The following PPIG variants were observed in gnomAD, a reference collection of about 807,000 sequenced individuals.
PPIG encodes peptidylprolyl isomerase G.
Under a neutral mutation model 87.9 loss-of-function variants are expected in PPIG, and 26 were observed. The ratio of observed to expected loss-of-function variants is 0.30; its 90% CI spans 0.22 to 0.41. PPIG has a LOEUF of 0.41. Among genes scored for constraint, PPIG ranks in the 10% least tolerant of loss-of-function variants. The probability of loss-of-function intolerance (pLI) is 1.00; values close to 1 mark genes in which losing one functional copy is unlikely to be tolerated. For synonymous variants in PPIG, 308 were observed against 276.5 expected, an observed-to-expected ratio of 1.11 and a Z score of -1.13; for missense variants, 722 against 879.4, an observed-to-expected ratio of 0.82 and a Z score of 2.26.
chr2:169,630,072 C>T (rs1685995806), intron 9 of PPIG, among the ~76,000 whole-genome samples: 2 of 151,670 alleles, frequency 1.3e-5, no homozygotes, highest in East Asian at 1.9e-4. Context: ...GTAGTATCTT[C>T]TTCTAATTCT....
intron 4 of PPIG, among the ~76,000 whole-genome samples, chr2:169,605,047 T>C (rs114153414): frequency 0.016 from 2,401 of 150,488 alleles, 65 homozygotes; most frequent in African/African-American, 0.056. Flanking sequence ...AAAATGCAAA[T>C]AATCGGCCAG....
intron 9 of PPIG, among the ~76,000 whole-genome samples, chr2:169,621,619 A>G (rs16857076): frequency 0.034 from 5,194 of 152,210 alleles, 321 homozygotes; most frequent in African/African-American, 0.12. Context: ...CCCTGAACCT[A>G]CTGATGTTTA....
At chr2:169,635,233 A>G (rs963237359) in intron 12 of PPIG, among the ~76,000 whole-genome samples, 5 of 152,116 alleles carry the variant, frequency 3.3e-5, no homozygotes, top group African/African-American at 7.2e-5. Context: ...CTCCTTTACC[A>G]TTGATCTTAG....
At chr2:169,622,910 A>G (rs1196659429) in intron 9 of PPIG, among the ~76,000 whole-genome samples, 3 of 152,136 alleles carry the variant, frequency 2.0e-5, no homozygotes, top group Non-Finnish European at 4.4e-5. Flanking sequence ...TATATTTAAA[A>G]CCTTGTATGA....
intron 1 of PPIG, among the ~76,000 whole-genome samples, chr2:169,592,240 G>GA (rs1456018330): frequency 5.6e-5 from 8 of 143,508 alleles, no homozygotes; most frequent in East Asian, 2.1e-4. Flanking sequence ...ACTTTTACTT[G>GA]AAAAAAAATG....
intron 7 of PPIG, among the ~76,000 whole-genome samples, chr2:169,610,965 G>A (rs1685471447): frequency 6.6e-6 from 1 of 152,178 alleles, no homozygotes; most frequent in South Asian, 2.1e-4. Context: ...CAACACTTTG[G>A]GAAGCCGAGG....
At chr2:169,632,959 G>A (rs531724898) in intron 11 of PPIG, among the ~76,000 whole-genome samples, 2 of 150,568 alleles carry the variant, frequency 1.3e-5, no homozygotes, top group African/African-American at 4.9e-5. Flanking sequence ...TGTATTTTTA[G>A]TAGAGACTGG....
chr2:169,626,393 TTTTA>T (rs1379677319), intron 9 of PPIG, among the ~76,000 whole-genome samples: 2 of 152,124 alleles, frequency 1.3e-5, no homozygotes, highest in African/African-American at 4.8e-5. Context: ...GAGAGGAACT[TTTTA>T]TTTTTTATTT....
chr2:169,602,084 A>G (rs895968248), intron 1 of PPIG, among the ~76,000 whole-genome samples: 1 of 152,178 alleles, frequency 6.6e-6, no homozygotes, highest in Non-Finnish European at 1.5e-5. Flanking sequence ...TCATGCACAA[A>G]ATTATTTTTT....
At position 169,641,242 on chromosome 2, in the gene PPIG, G is replaced by A. The variant is rs1335460868; in HGVS notation, c.*3719G>A. On this transcript the variant is annotated 3_prime_UTR_variant, in exon 14 of 14. Transcript: ENST00000260970. ...TTTAATGAAGTTTAGAAAAAAAGCT[G>A]TTGTCTTCTCAATTGTAAAATTAGT... 1 of 152,064 alleles carries A rather than the reference G, an allele frequency of 6.6e-6. No homozygotes were observed. Among genetic ancestry groups the A allele is most frequent in the Non-Finnish European group, 1.5e-5 (1 of 68,004 alleles). The allele number at this position is 152,064 out of a possible 1,614,324, so 9.4% of individuals were successfully genotyped here.
In PPIG at chr2:169,640,315, T is replaced by C. The variant is rs1686280934; in HGVS notation, c.*2792T>C. 1.3e-5 allele frequency: 2 copies of C among 152,212 alleles called. No individual in the cohort carries two copies. Among genetic ancestry groups the C allele is most frequent in the Admixed American group, 1.3e-4 (2 of 15,282 alleles). The allele number at this position is 152,212 out of a possible 1,614,324, so 9.4% of individuals were successfully genotyped here. On this transcript the variant is annotated 3_prime_UTR_variant, in exon 14 of 14. Coordinates refer to ENST00000260970, the MANE Select transcript of PPIG (RefSeq NM_004792.3). ...TGATATTTGTGCCTAGTGGAAGGTA[T>C]GGAGCTAAACAATTAAAGAACTCTT...
chr2:169,640,853 G>T lies in PPIG; in HGVS notation c.*3330G>T, dbSNP rs1018164476. 6.6e-6 allele frequency: 1 copy of T among 152,094 alleles called. No homozygotes were observed. The highest frequency in any genetic ancestry group is 1.5e-5 in the Non-Finnish European group (1 of 68,026). 9.4% of individuals were successfully genotyped at this position (152,094 alleles called of 1,614,324 possible). A position where few individuals can be genotyped will look rare whatever the true frequency, so the allele number is the denominator to read the frequency against. ...GCAAGTGCAAAGTCTTTGGCCTATT[G>T]TGTGACAAAGAGGTATATATTAAAG... On this transcript the variant is annotated 3_prime_UTR_variant, in exon 14 of 14. Transcript: ENST00000260970.
At chr2:169,624,537 CA>C (rs1248910822) in intron 9 of PPIG, among the ~76,000 whole-genome samples, 3 of 152,094 alleles carry the variant, frequency 2.0e-5, no homozygotes, top group African/African-American at 7.2e-5. Context: ...ACTTACATGC[CA>C]TTAAAAGAAA....
At chr2:169,632,038 A>T in intron 11 of PPIG, 105 bp downstream of exon 11, 2 of 1,290,242 alleles carry the variant, frequency 1.6e-6, no homozygotes, top group Non-Finnish European at 2.0e-6. Context: ...TTGTCCCAAG[A>T]TTGAAATCTT....
chr2:169,607,299 A>G, intron 6 of PPIG, 151 bp downstream of exon 6: 2 of 494,700 alleles, frequency 4.0e-6, no homozygotes, highest in Non-Finnish European at 6.9e-6. Context: ...GGTAAAAAAA[A>G]TTGCTTTTTA....
Position 169,589,659 on chromosome 2 carries a change from T to TG in PPIG, c.-70+5177dup, listed in dbSNP as rs200052342. 1.9e-3 allele frequency among the ~76,000 whole-genome samples: 292 copies of TG among 151,722 alleles called. 1 individual carries two copies. The highest frequency in any genetic ancestry group is 7.4e-3 in the East Asian group (38 of 5,160). On this transcript the variant is annotated intron_variant, in intron 1 of 13. Coordinates refer to ENST00000260970, the MANE Select transcript of PPIG (RefSeq NM_004792.3). ...GTGGATTCTGGTTTTGGGGTTTTTTTGGGGGGGGTTGTTTTTTTGGGAAAC... is the reference window on the plus strand; with the variant it reads ...GTGGATTCTGGTTTTGGGGTTTTTTTGGGGGGGGGTTGTTTTTTTGGGAAAC...
chr2:169,616,330 A>T (rs1236899832), intron 9 of PPIG, among the ~76,000 whole-genome samples: 1 of 152,082 alleles, frequency 6.6e-6, no homozygotes. Flanking sequence ...GTCTTTATAG[A>T]AGAATGATTT....
At position 169,636,465 on chromosome 2, in the gene PPIG, G is replaced by C; in HGVS notation, c.1207G>C (p.Glu403Gln). 6.4e-7 allele frequency: 1 copy of C among 1,573,736 alleles called. No homozygotes were observed. Among genetic ancestry groups the C allele is most frequent in the Non-Finnish European group, 8.6e-7 (1 of 1,166,174 alleles). ...ENQRSPVRVK[E>Q]RKITDHRNVS... is the part of the protein sequence containing the mutation. ...TCAGAGAAGTCCAGTTAGAGTAAAA[G>C]AGAGAAAAATAACAGATCACAGGAA... The change falls in exon 14 of 14, where the codon GAG (glutamate) becomes CAG (glutamine). Residue 403 changes from glutamate to glutamine, a missense_variant. Around this residue, in one of 4 missense-constraint regions of PPIG, gnomAD observed 476 missense variants for 483.1 expected, o/e 0.99. Coordinates refer to ENST00000260970, the MANE Select transcript of PPIG (RefSeq NM_004792.3).
chr2:169,628,939 C>CAAAAAAAAAAAAAAAAAAA (rs71006010), intron 9 of PPIG, among the ~76,000 whole-genome samples: 1 of 92,350 alleles, frequency 1.1e-5, no homozygotes, highest in African/African-American at 4.1e-5. Context: ...ACCCTGTCTC[C>CAAAAAAAAAAAAAAAAAAA]AAAAAAAAAA....
Sources: gnomAD v4.1 joint callset for allele counts (sites outside exome capture counted in the v4.1 genomes callset) on GRCh38, gnomAD v4.1.1 for gene constraint, gnomAD v4.1.1 regional missense constraint, MANE v1.5 for transcripts, NCBI Gene and HGNC (gene_info 2026-07-23, HGNC 2026-07-21) for gene names.